Variants in CBX1 observed in about 807,000 individuals in gnomAD.
The protein encoded by CBX1 is chromobox protein homolog 1.
In CBX1, 10 loss-of-function variants were observed where a neutral mutation model predicts 25.1. The ratio of observed to expected loss-of-function variants is 0.40; its 90% CI spans 0.25 to 0.68. The LOEUF is 0.68. Ranked by LOEUF, CBX1 falls within the 30% of genes least tolerant of loss-of-function variation. CBX1 has a pLI of 0.40. For missense variants in CBX1, 106 were observed against 218.5 expected, an observed-to-expected ratio of 0.49 and a Z score of 3.25; for synonymous variants, 63 against 79.4, an observed-to-expected ratio of 0.79 and a Z score of 1.10.
chr17:48,093,069 T>G (rs1598315453), intron 1 of CBX1, among the ~76,000 whole-genome samples: 1 of 20,176 alleles, frequency 5.0e-5, no homozygotes, highest in Non-Finnish European at 9.1e-5. Flanking sequence ...AAACTCTGTC[T>G]CAAAAAAAAA....
intron 1 of CBX1, chr17:48,101,019 A>T (rs2144483369): frequency 1.0e-6 from 1 of 985,188 alleles, no homozygotes; most frequent in East Asian, 1.1e-4. Flanking sequence ...TGCTCGGCCC[A>T]CCCCCAAGCA....
At chr17:48,074,620 T>C (rs1476866889) in intron 4 of CBX1, among the ~76,000 whole-genome samples, 5 of 152,192 alleles carry the variant, frequency 3.3e-5, no homozygotes, top group African/African-American at 9.7e-5. Flanking sequence ...TTCCTAACCC[T>C]GAGAATTTAG....
At chr17:48,074,136 A>G (rs2037652677) in intron 4 of CBX1, among the ~76,000 whole-genome samples, 1 of 152,202 alleles carries the variant, frequency 6.6e-6, no homozygotes, top group East Asian at 1.9e-4. Flanking sequence ...AGGCCCCTCC[A>G]GCCATACTGT....
intron 1 of CBX1, among the ~76,000 whole-genome samples, chr17:48,099,552 T>C (rs573950597): frequency 6.6e-6 from 1 of 152,312 alleles, no homozygotes; most frequent in East Asian, 1.9e-4. Context: ...CAAGTGCTTT[T>C]CAATCACACC....
chr17:48,077,245 C>T (rs71377343), intron 1 of CBX1, among the ~76,000 whole-genome samples: 1 of 147,950 alleles, frequency 6.8e-6, no homozygotes, highest in Non-Finnish European at 1.5e-5. Flanking sequence ...CCCAATTAAT[C>T]TTACAGCAAA....
intron 2 of CBX1, 75 bp from the exon 3 acceptor site, chr17:48,076,253 A>C (rs867557510): frequency 8.5e-7 from 1 of 1,178,572 alleles, no homozygotes; most frequent in Middle Eastern, 2.1e-4. Context: ...TCGTAAGAGG[A>C]CAAGACCTCA....
intron 3 of CBX1, among the ~76,000 whole-genome samples, chr17:48,075,437 C>T (rs2037666079): frequency 6.6e-6 from 1 of 152,186 alleles, no homozygotes; most frequent in South Asian, 2.1e-4. Context: ...TTGTGATCCG[C>T]CCGCCTCGGC....
chr17:48,098,419 A>G (rs1355052787), intron 1 of CBX1, among the ~76,000 whole-genome samples: 1 of 152,176 alleles, frequency 6.6e-6, no homozygotes, highest in East Asian at 1.9e-4. Context: ...AAGCTCCCCT[A>G]TTCATCATTC....
intron 1 of CBX1, 144 bp from the exon 2 acceptor site, chr17:48,077,185 G>T (rs780901194): frequency 3.5e-6 from 2 of 578,112 alleles, no homozygotes; most frequent in Non-Finnish European, 5.7e-6. Context: ...TCTCACACTC[G>T]ATACAAAATA....
intron 1 of CBX1, among the ~76,000 whole-genome samples, chr17:48,100,008 G>A (rs547761670): frequency 9.0e-4 from 136 of 151,878 alleles, no homozygotes; most frequent in African/African-American, 3.3e-3. Context: ...GCGTGGTGGC[G>A]TGTGCCTGTA....
chr17:48,090,007 G>A (rs1039193333), intron 1 of CBX1, among the ~76,000 whole-genome samples: 2 of 150,610 alleles, frequency 1.3e-5, no homozygotes, highest in Non-Finnish European at 3.0e-5. Context: ...TGCAACCTCC[G>A]CCTCCTGGGT....
chr17:48,094,009 G>A (rs1026143838), intron 1 of CBX1, among the ~76,000 whole-genome samples: 1 of 150,962 alleles, frequency 6.6e-6, no homozygotes, highest in African/African-American at 2.4e-5. Flanking sequence ...AGCTACTCCA[G>A]AGGCTCAGGA....
intron 1 of CBX1, among the ~76,000 whole-genome samples, chr17:48,093,695 C>T (rs954202306): frequency 2.6e-5 from 4 of 152,228 alleles, no homozygotes; most frequent in African/African-American, 9.6e-5. Flanking sequence ...TTCTTCGGTT[C>T]TTATTCCAGA....
At chr17:48,091,241 A>G (rs922117657) in intron 1 of CBX1, among the ~76,000 whole-genome samples, 2 of 152,186 alleles carry the variant, frequency 1.3e-5, no homozygotes, top group Non-Finnish European at 2.9e-5. Context: ...ATTATTTTGC[A>G]TATCACTTCT....
Position 48,092,939 on chromosome 17 carries a change from G to A in CBX1, c.-38+8329C>T, listed in dbSNP as rs549276296. Among the ~76,000 whole-genome samples the A allele has an allele frequency of 6.6e-5, 10 of 151,912 alleles. No individual in the cohort carries two copies. The East Asian group carries it at 9.7e-4, about 15-fold the overall frequency. ...TACAAAATGAGCCGGACGTGGTGGC[G>A]CATGCCTGTAATCCCAGCTACTCGG... On this transcript the variant is annotated intron_variant, in intron 1 of 4. Transcript: ENST00000225603.
At chr17:48,072,976 G>T (rs1277183084) in intron 4 of CBX1, among the ~76,000 whole-genome samples, 2 of 152,026 alleles carry the variant, frequency 1.3e-5, no homozygotes, top group African/African-American at 4.8e-5. Context: ...ACAAAAATTA[G>T]CCAGGCATGG....
intron 1 of CBX1, among the ~76,000 whole-genome samples, chr17:48,081,993 G>C (rs1021361268): frequency 6.6e-6 from 1 of 152,054 alleles, no homozygotes; most frequent in African/African-American, 2.4e-5. Context: ...GCACACACCT[G>C]TAATTCCAGC....
At chr17:48,080,404 G>C (rs2037719036) in intron 1 of CBX1, among the ~76,000 whole-genome samples, 1 of 152,040 alleles carries the variant, frequency 6.6e-6, no homozygotes, top group African/African-American at 2.4e-5. Context: ...AGATGGCACT[G>C]TATCAATGAA....
chr17:48,099,946 G>A (rs1273390725), intron 1 of CBX1, among the ~76,000 whole-genome samples: 2 of 151,742 alleles, frequency 1.3e-5, no homozygotes, highest in African/African-American at 4.8e-5. Flanking sequence ...CGAGACCAGC[G>A]TGACCAGTAC....
Sources: allele counts gnomAD v4.1 joint callset (sites outside exome capture counted in the v4.1 genomes callset), GRCh38; gene constraint gnomAD v4.1.1; transcripts MANE v1.5; gene names NCBI Gene and HGNC (gene_info 2026-07-23, HGNC 2026-07-21).